Variants in WBP4 observed in about 807,000 individuals in gnomAD.
WBP4 encodes the protein WW domain binding protein 4, also known as WW domain-binding protein 4.
Under a neutral mutation model 55.4 loss-of-function variants are expected in WBP4, and 37 were observed. The observed-to-expected ratio is 0.67, with a 90% CI of 0.51 to 0.88. The LOEUF is 0.88. WBP4 is among the 40% of genes least tolerant of loss of function. The pLI, the probability that WBP4 is intolerant of heterozygous loss-of-function variation, is 0.00. For synonymous variants in WBP4, 142 were observed against 140.2 expected, an observed-to-expected ratio of 1.01 and a Z score of -0.09; for missense variants, 398 against 420.8, an observed-to-expected ratio of 0.95 and a Z score of 0.47.
intron 9 of WBP4, among the ~76,000 whole-genome samples, chr13:41,082,316 T>C (rs187497768): frequency 2.6e-5 from 4 of 152,212 alleles, no homozygotes; most frequent in Non-Finnish European, 5.9e-5. Flanking sequence ...TTTTGCCATG[T>C]TACCCAGGCG....
In WBP4 at chr13:41,065,011, T is replaced by C. The variant is rs1370626673; in HGVS notation, c.76-5T>C. The C allele has an allele frequency of 6.4e-7, 1 of 1,565,976 alleles. No individual in the cohort carries two copies. Among genetic ancestry groups the C allele is most frequent in the East Asian group, 2.3e-5 (1 of 43,710 alleles). On this transcript the variant is annotated splice_polypyrimidine_tract_variant and splice_region_variant and intron_variant, in intron 2 of 9. Transcript: ENST00000379487. ...CTTTTGTTATTTTCTCTTTTCATTT[T>C]CAAGAGTGTTGAATTTCATGAAAGA...
intron 4 of WBP4, 148 bp downstream of exon 4, chr13:41,065,435 A>T: frequency 8.6e-7 from 1 of 1,168,086 alleles, no homozygotes; most frequent in South Asian, 2.1e-5. Context: ...CCCTGTTTAG[A>T]CTATGGAAGT....
intron 1 of WBP4, 132 bp from the exon 2 acceptor site, chr13:41,062,512 A>G: frequency 1.3e-6 from 1 of 787,240 alleles, no homozygotes; most frequent in Non-Finnish European, 1.9e-6. Flanking sequence ...TAAATAATAA[A>G]ACGACTATAC....
At chr13:41,078,284 A>G (rs187437842) in intron 8 of WBP4, among the ~76,000 whole-genome samples, 1 of 152,224 alleles carries the variant, frequency 6.6e-6, no homozygotes, top group Admixed American at 6.5e-5. Flanking sequence ...GTACTGGCAT[A>G]AAGATAGGCA....
In WBP4 at chr13:41,076,191, A is replaced by ATTCTT. The variant is rs766325763; in HGVS notation, c.710_711insTTCTT (p.Glu237AspfsTer3). On this transcript the variant is annotated frameshift_variant, in exon 8 of 10. Coordinates refer to ENST00000379487, the MANE Select transcript of WBP4 (RefSeq NM_007187.5). LOFTEE classifies it high-confidence loss of function. Reference sequence around the variant, plus strand: ...TCTGATGGGGAACAGGAAGCAGAAGAAGGAGGGGTCTCTACAGAGACAGAA... The same window carrying ATTCTT: ...TCTGATGGGGAACAGGAAGCAGAAGATTCTTAGGAGGGGTCTCTACAGAGACAGAA... 6.2e-7 allele frequency: 1 copy of ATTCTT among 1,613,132 alleles called. No homozygotes were observed. The highest frequency in any genetic ancestry group is 1.1e-5 in the South Asian group (1 of 90,980).
Position 41,065,170 on chromosome 13 carries a change from C to T in WBP4, c.145C>T (p.Gln49Ter), listed in dbSNP as rs1428735065. 1 of 1,607,540 alleles carries T rather than the reference C, an allele frequency of 6.2e-7. No individual in the cohort carries two copies. The highest frequency in any genetic ancestry group is 8.5e-7 in the Non-Finnish European group (1 of 1,177,814). Residue 49 changes from glutamine to a stop codon, truncating the protein, a stop_gained, in exon 4 of 10, where the codon CAG (glutamine) becomes TAG (stop). Coordinates refer to ENST00000379487, the MANE Select transcript of WBP4 (RefSeq NM_007187.5). LOFTEE classifies it high-confidence loss of function. ...TTATGTATGTCTTACATAGATTAAACAGAAAAGCCTGGATAAGGCAAAGGA... is the reference window on the plus strand; with the variant it reads ...TTATGTATGTCTTACATAGATTAAATAGAAAAGCCTGGATAAGGCAAAGGA... ...NVAKRISEIK[Q>*]KSLDKAKEEE...
chr13:41,069,023 G>A (rs987236250), intron 5 of WBP4, among the ~76,000 whole-genome samples: 1 of 151,980 alleles, frequency 6.6e-6, no homozygotes. Context: ...TAAACTACAT[G>A]GAAATAAAGA....
chr13:41,069,878 CAAAAAAAAAAAAAAG>C (rs1878159787), intron 5 of WBP4, among the ~76,000 whole-genome samples: 1 of 75,606 alleles, frequency 1.3e-5, no homozygotes. Flanking sequence ...AAGTCCATCT[CAAAAAAAAAAAAAAG>C]AAAAAAAAAA....
intron 4 of WBP4, 86 bp from the exon 5 acceptor site, chr13:41,068,475 G>A: frequency 5.5e-6 from 7 of 1,281,964 alleles, no homozygotes; most frequent in Non-Finnish European, 7.2e-6. Context: ...TCAGGTTTTT[G>A]ATTGGAATAA....
intron 7 of WBP4, among the ~76,000 whole-genome samples, chr13:41,075,243 A>C (rs1447260436): frequency 1.3e-5 from 2 of 152,188 alleles, no homozygotes; most frequent in Non-Finnish European, 2.9e-5. Context: ...CCAATGAACC[A>C]CTGGATGGCA....
At chr13:41,077,739 A>G (rs1878566763) in intron 8 of WBP4, among the ~76,000 whole-genome samples, 1 of 152,144 alleles carries the variant, frequency 6.6e-6, no homozygotes, top group African/African-American at 2.4e-5. Flanking sequence ...AGAAAACCCT[A>G]AAGACCCCTC....
chr13:41,062,024 G>A lies in WBP4; in HGVS notation c.2+349G>A, dbSNP rs1046822970. 3 of 977,612 alleles carry A rather than the reference G, an allele frequency of 3.1e-6. No homozygotes were observed. The African/African-American group carries it at 5.3e-5, about 17-fold the overall frequency. 60.6% of individuals were successfully genotyped at this position (977,612 alleles called of 1,614,324 possible). A position where few individuals can be genotyped will look rare whatever the true frequency, so the allele number is the denominator to read the frequency against. On this transcript the variant is annotated intron_variant, in intron 1 of 9. Coordinates refer to ENST00000379487, the MANE Select transcript of WBP4 (RefSeq NM_007187.5). ...GTTTCCGAAGCCCCTGAACCCTAGGGTATTGTGAAACTAGGGCTGGGCTGC... is the reference window on the plus strand; with the variant it reads ...GTTTCCGAAGCCCCTGAACCCTAGGATATTGTGAAACTAGGGCTGGGCTGC...
intron 6 of WBP4, among the ~76,000 whole-genome samples, chr13:41,071,822 C>T (rs1566211174): frequency 6.6e-6 from 1 of 151,994 alleles, no homozygotes; most frequent in Non-Finnish European, 1.5e-5. Flanking sequence ...GCATGTGGAT[C>T]ACAAGGTCAG....
chr13:41,081,206 A>C (rs1400776619), intron 9 of WBP4, among the ~76,000 whole-genome samples: 1 of 151,620 alleles, frequency 6.6e-6, no homozygotes, highest in East Asian at 1.9e-4. Flanking sequence ...GAAAAAGAAA[A>C]AGTATAGCTT....
At chr13:41,078,144 T>C (rs1878584849) in intron 8 of WBP4, among the ~76,000 whole-genome samples, 1 of 152,196 alleles carries the variant, frequency 6.6e-6, no homozygotes, top group African/African-American at 2.4e-5. Context: ...AAGCCAATTC[T>C]GAAATTTATG....
At chr13:41,062,376 C>A in intron 1 of WBP4, 2 of 852,568 alleles carry the variant, frequency 2.3e-6, no homozygotes, top group Non-Finnish European at 2.8e-6. Flanking sequence ...TTTTTCATAA[C>A]GATGACGATA....
At chr13:41,061,918 A>G (rs371376874) in intron 1 of WBP4, among the ~76,000 whole-genome samples, 10 of 151,644 alleles carry the variant, frequency 6.6e-5, no homozygotes, top group East Asian at 5.9e-4. Context: ...CGGCCGGTTC[A>G]GGGGGCTGGT....
At chr13:41,064,896 A>G (rs1041848314) in intron 2 of WBP4, 120 bp from the exon 3 acceptor site, 16 of 942,454 alleles carry the variant, frequency 1.7e-5, no homozygotes, top group South Asian at 2.0e-5. Context: ...TAATGTTTTC[A>G]TCTTTTCTGC....
chr13:41,081,906 A>G (rs1188093428), intron 9 of WBP4, among the ~76,000 whole-genome samples: 1 of 152,254 alleles, frequency 6.6e-6, no homozygotes, highest in Non-Finnish European at 1.5e-5. Flanking sequence ...TTACGCTCTC[A>G]GCTACTTAAA....
Sources: allele counts gnomAD v4.1 joint callset (sites outside exome capture counted in the v4.1 genomes callset), GRCh38; gene constraint gnomAD v4.1.1; transcripts MANE v1.5; gene names NCBI Gene and HGNC (gene_info 2026-07-23, HGNC 2026-07-21).